Variants in UST observed in about 807,000 individuals in gnomAD.
UST encodes chondroitin sulfate 2-O-sulfotransferase.
A neutral mutation model predicts 45.6 loss-of-function variants in UST; 21 were observed. The observed-to-expected ratio is 0.46, with a 90% CI of 0.33 to 0.66. The LOEUF (loss-of-function observed/expected upper bound fraction) is 0.66. Among genes scored for constraint, UST ranks in the 30% least tolerant of loss-of-function variants. UST has a pLI of 0.02. For synonymous variants in UST, 215 were observed against 200.6 expected, an observed-to-expected ratio of 1.07 and a Z score of -0.61; for missense variants, 463 against 512.4, an observed-to-expected ratio of 0.90 and a Z score of 0.93.
At chr6:148,775,141 C>G (rs541296066) in intron 1 of UST, among the ~76,000 whole-genome samples, 2 of 152,158 alleles carry the variant, frequency 1.3e-5, no homozygotes, top group African/African-American at 2.4e-5. Flanking sequence ...CATATGCTAT[C>G]CTCTCCGTCC....
rs562740940 is a variant in UST, at chr6:148,860,192, C to T, written c.248-26794C>T. 1.8e-4 allele frequency among the ~76,000 whole-genome samples: 28 copies of T among 152,272 alleles called. 1 individual carries two copies. The highest frequency in any genetic ancestry group is 6.5e-4 in the African/African-American group (27 of 41,544). ...TCTTTGAGCAGTGGTTTGTAGTTCTCTTTGAAGATGTCCTTCACATCACTT... is the reference window on the plus strand; with the variant it reads ...TCTTTGAGCAGTGGTTTGTAGTTCTTTTTGAAGATGTCCTTCACATCACTT... On this transcript the variant is annotated intron_variant, in intron 1 of 7. Coordinates refer to ENST00000367463, the MANE Select transcript of UST (RefSeq NM_005715.3).
intron 1 of UST, among the ~76,000 whole-genome samples, chr6:148,805,115 C>G (rs745515911): frequency 7.9e-5 from 12 of 152,102 alleles, no homozygotes; most frequent in Non-Finnish European, 1.8e-4. Flanking sequence ...TGCACATGTA[C>G]ATAAAGTAGA....
intron 1 of UST, among the ~76,000 whole-genome samples, chr6:148,780,367 G>T (rs1776620911): frequency 6.6e-6 from 1 of 152,004 alleles, no homozygotes; most frequent in Admixed American, 6.6e-5. Context: ...TTGTTGTACA[G>T]ATTATTTCAT....
chr6:148,906,683 C>T (rs1779368292), intron 2 of UST, among the ~76,000 whole-genome samples: 1 of 39,968 alleles, frequency 2.5e-5, no homozygotes, highest in Non-Finnish European at 6.1e-5. Flanking sequence ...GAAGACTCTG[C>T]CTCTTACTAA....
intron 5 of UST, among the ~76,000 whole-genome samples, chr6:148,965,416 CG>C (rs1173481857): frequency 6.6e-6 from 1 of 152,076 alleles, no homozygotes; most frequent in Non-Finnish European, 1.5e-5. Context: ...GGGCTGTTGT[CG>C]GGCACAAGCA....
chr6:149,054,915 C>T (rs910854500), intron 7 of UST, among the ~76,000 whole-genome samples: 4 of 152,222 alleles, frequency 2.6e-5, no homozygotes, highest in East Asian at 3.9e-4. Context: ...TAGACCTCCC[C>T]GGCTCAAGCA....
intron 5 of UST, among the ~76,000 whole-genome samples, chr6:149,009,997 T>G (rs1775778173): frequency 6.6e-6 from 1 of 151,498 alleles, no homozygotes; most frequent in East Asian, 1.9e-4. Context: ...TTCCCATCTA[T>G]CTTTAAAATA....
intron 1 of UST, among the ~76,000 whole-genome samples, chr6:148,879,941 CTTTTTTTTTTCT>C (rs1422429370): frequency 9.1e-6 from 1 of 109,914 alleles, no homozygotes; most frequent in Non-Finnish European, 2.0e-5. Flanking sequence ...TTTCTTTTTT[CTTTTTTTTTTCT>C]TTTTTTTTTT....
intron 2 of UST, among the ~76,000 whole-genome samples, chr6:148,929,774 T>A (rs1779887491): frequency 6.6e-6 from 1 of 152,208 alleles, no homozygotes; most frequent in Non-Finnish European, 1.5e-5. Flanking sequence ...TTAACCCATT[T>A]GTTCTTGAGC....
intron 1 of UST, among the ~76,000 whole-genome samples, chr6:148,869,089 T>C (rs1477916807): frequency 6.6e-6 from 1 of 152,240 alleles, no homozygotes; most frequent in Non-Finnish European, 1.5e-5. Flanking sequence ...TACCTTGGGC[T>C]GTTGGCTGCC....
intron 4 of UST, among the ~76,000 whole-genome samples, chr6:148,957,847 T>C (rs550740513): frequency 1.3e-5 from 2 of 152,328 alleles, no homozygotes; most frequent in Admixed American, 1.3e-4. Context: ...GACAGACCTA[T>C]TGCTTGTTTC....
intron 1 of UST, among the ~76,000 whole-genome samples, chr6:148,829,216 A>G (rs1777636283): frequency 2.0e-5 from 3 of 152,246 alleles, no homozygotes; most frequent in Non-Finnish European, 1.5e-5. Flanking sequence ...AAGATTAACC[A>G]TGTTTCACAT....
chr6:148,800,814 G>A (rs1237659743), intron 1 of UST, among the ~76,000 whole-genome samples: 3 of 136,790 alleles, frequency 2.2e-5, no homozygotes, highest in South Asian at 2.3e-4. Flanking sequence ...TTGGAGACAC[G>A]TGGCTCTGGA....
At chr6:148,882,486 C>CAAAAAAAAAA (rs397741900) in intron 1 of UST, among the ~76,000 whole-genome samples, 1 of 74,172 alleles carries the variant, frequency 1.3e-5, no homozygotes, top group Non-Finnish European at 2.4e-5. Flanking sequence ...AACTCCATCT[C>CAAAAAAAAAA]AAAAAAAAAA....
At chr6:148,789,313 T>G (rs951600983) in intron 1 of UST, among the ~76,000 whole-genome samples, 19 of 152,048 alleles carry the variant, frequency 1.2e-4, no homozygotes, top group Non-Finnish European at 2.4e-4. Flanking sequence ...CTGTTAGAAA[T>G]GCAGAATCTC....
chr6:148,777,206 C>A (rs1359653210), intron 1 of UST, among the ~76,000 whole-genome samples: 3 of 152,204 alleles, frequency 2.0e-5, no homozygotes, highest in Non-Finnish European at 4.4e-5. Flanking sequence ...AACAGCGTGC[C>A]TCATCTTTAT....
chr6:148,868,731 C>G (rs753296400), intron 1 of UST, among the ~76,000 whole-genome samples: 1 of 152,130 alleles, frequency 6.6e-6, no homozygotes, highest in Non-Finnish European at 1.5e-5. Context: ...ATAACCCCCC[C>G]ATCATAAATC....
intron 1 of UST, among the ~76,000 whole-genome samples, chr6:148,764,525 G>A (rs947032537): frequency 1.3e-5 from 2 of 152,188 alleles, no homozygotes; most frequent in African/African-American, 2.4e-5. Flanking sequence ...ATAATTCAAC[G>A]TGGGTTCTTT....
chr6:148,914,973 G>A (rs1043065364), intron 2 of UST, among the ~76,000 whole-genome samples: 1 of 152,122 alleles, frequency 6.6e-6, no homozygotes, highest in Non-Finnish European at 1.5e-5. Flanking sequence ...GATGCTGGCC[G>A]ATTCAGTGTC....
Sources: allele counts gnomAD v4.1 joint callset (sites outside exome capture counted in the v4.1 genomes callset), GRCh38; gene constraint gnomAD v4.1.1; transcripts MANE v1.5; gene names NCBI Gene and HGNC (gene_info 2026-07-23, HGNC 2026-07-21).